PCDHGA9: variants seen among roughly 807,000 people sequenced by gnomAD.
PCDHGA9 encodes the protein protocadherin gamma subfamily A, 9.
PCDHGA9 carries 37 observed loss-of-function variants against 62.5 expected under a neutral mutation model. That is an observed-to-expected ratio of 0.59 (90% confidence interval 0.46 to 0.78). The LOEUF is 0.78. PCDHGA9 is among the 30% of genes least tolerant of loss of function. The pLI is 0.00. For missense variants in PCDHGA9, 1,138 were observed against 1,166.2 expected (o/e 0.98, Z 0.35); for synonymous variants, 459 against 484.6 (o/e 0.95, Z 0.69).
At position 141,493,841 on chromosome 5, in the gene PCDHGA9, T is replaced by C. The variant is rs774682943; in HGVS notation, c.2425-966T>C. On this transcript the variant is annotated intron_variant, in intron 1 of 3. Transcript: ENST00000573521. The surrounding 1 kb of genome is among the most constrained non-coding windows in gnomAD (Gnocchi z 4.3). ...CTCTGCTTCTGGGAGCAAGTATGAGTATTAATTACCAGCCCACCCCAGAAC... is the reference window on the plus strand; with the variant it reads ...CTCTGCTTCTGGGAGCAAGTATGAGCATTAATTACCAGCCCACCCCAGAAC... Among the ~76,000 whole-genome samples the C allele has an allele frequency of 3.3e-5, 5 of 152,140 alleles. No homozygotes were observed. In the East Asian group the frequency reaches 9.7e-4, roughly 29 times the overall value.
Position 141,404,832 on chromosome 5 carries a change from G to T in PCDHGA9, c.1880G>T (p.Arg627Leu). The T allele has an allele frequency of 6.2e-7, 1 of 1,613,864 alleles. No homozygotes were observed. The highest frequency in any genetic ancestry group is 8.5e-7 in the Non-Finnish European group (1 of 1,179,934). The change falls in exon 1 of 4, where the codon CGC becomes CTC. Residue 627 changes from arginine (R) to leucine (L), a missense_variant. Transcript: ENST00000573521. ...FSVGLHTGEV[R>L]TARALLDRDA... ...GTGGGGCTGCACACAGGTGAAGTGC[G>T]CACAGCTCGGGCCCTGCTAGATAGA...
intron 2 of PCDHGA9, among the ~76,000 whole-genome samples, chr5:141,504,118 G>A (rs948008198): frequency 6.6e-6 from 1 of 152,096 alleles, no homozygotes; most frequent in African/African-American, 2.4e-5. Flanking sequence ...GTGTGCCAGG[G>A]CTGTTTCCCG....
At chr5:141,405,410 T>C (rs1483035668) in intron 1 of PCDHGA9, 34 bp downstream of exon 1, 2 of 1,557,296 alleles carry the variant, frequency 1.3e-6, no homozygotes, top group Non-Finnish European at 1.8e-6. Context: ...TTCTTTTCTT[T>C]TTTTGTTTTT....
chr5:141,428,110 C>G (rs917739943), intron 1 of PCDHGA9: 11 of 1,607,538 alleles, frequency 6.8e-6, no homozygotes, highest in Middle Eastern at 3.4e-4. Context: ...GTGCTGCAGG[C>G]CATCGAGCCC....
At chr5:141,501,333 A>ACC (rs1554187333) in intron 2 of PCDHGA9, among the ~76,000 whole-genome samples, 192 of 140,118 alleles carry the variant, frequency 1.4e-3, no homozygotes, top group Admixed American at 5.6e-3. Flanking sequence ...ACACACACAC[A>ACC]CCCCAAACTC....
At chr5:141,427,440 G>A (rs747459662) in intron 1 of PCDHGA9, 1 of 477,484 alleles carries the variant, frequency 2.1e-6, no homozygotes, top group South Asian at 1.5e-5. Flanking sequence ...CCTCATAAAC[G>A]AAAGAGTTCC....
Position 141,403,324 on chromosome 5 carries a change from T to C in PCDHGA9, c.372T>C (p.Thr124=), listed in dbSNP as rs769971532. 5.6e-6 allele frequency: 9 copies of C among 1,613,974 alleles called. No homozygotes were observed. Among genetic ancestry groups the C allele is most frequent in the Non-Finnish European group, 6.8e-6 (8 of 1,179,904 alleles). The change falls in exon 1 of 4, where the codon ACT becomes ACC. Residue 124 remains threonine, a synonymous_variant. Transcript: ENST00000573521. The stretch of plus-strand genomic sequence containing the variant: ...TGTACGGAATAGAAATAGAAGTAAC[T>C]GATATTAACGACAGCGCCCCAAAGT... ...VKLYGIEIEV[T]DINDSAPKFQ...
At chr5:141,415,422 G>A (rs769839324) in intron 1 of PCDHGA9, 3 of 1,614,204 alleles carry the variant, frequency 1.9e-6, no homozygotes, top group East Asian at 2.2e-5. Context: ...GCGTGGACGG[G>A]GTTCGGGCTT....
chr5:141,426,614 G>T (rs1468159807), intron 1 of PCDHGA9: 25 of 385,508 alleles, frequency 6.5e-5, no homozygotes, highest in Non-Finnish European at 1.3e-4. Context: ...TTGTAGCAGA[G>T]AATCCTCTAA....
Position 141,486,070 on chromosome 5 carries a change from T to C in PCDHGA9, c.2425-8737T>C. ...ACCTCTTTAGCCTGCACCCCACTAC[T>C]GGAAAGCTTACTCTTTTGGGGCCCC... On this transcript the variant is annotated intron_variant, in intron 1 of 3. Coordinates refer to ENST00000573521, the MANE Select transcript of PCDHGA9 (RefSeq NM_018921.3). The surrounding 1 kb of genome is among the most constrained non-coding windows in gnomAD (Gnocchi z 5.0). 6.2e-7 allele frequency: 1 copy of C among 1,614,158 alleles called. No homozygotes were observed. The highest frequency in any genetic ancestry group is 8.5e-7 in the Non-Finnish European group (1 of 1,180,010).
chr5:141,463,438 CTTTTTTTTTTTT>C (rs71576115), intron 1 of PCDHGA9, among the ~76,000 whole-genome samples: 6 of 103,254 alleles, frequency 5.8e-5, no homozygotes, highest in Admixed American at 3.1e-4. Flanking sequence ...TTTCCTTCTC[CTTTTTTTTTTTT>C]TTTTTTTTTT....
rs1250096461 is a variant in PCDHGA9 at position 141,485,533 on chromosome 5, G to A, written c.2425-9274G>A. 6.2e-7 allele frequency: 1 copy of A among 1,614,084 alleles called. No homozygotes were observed. Among genetic ancestry groups the A allele is most frequent in the Non-Finnish European group, 8.5e-7 (1 of 1,180,034 alleles). On this transcript the variant is annotated intron_variant, in intron 1 of 3. Coordinates refer to ENST00000573521, the MANE Select transcript of PCDHGA9 (RefSeq NM_018921.3). This position sits in a 1 kb window ranked among gnomAD's most constrained non-coding sequence, Gnocchi z 5.7. ...GTCCTTTGGAAATGTACCGAGCAGA[G>A]GTAGAGATCGTAGATGTGAATGATC...
At chr5:141,426,037 G>A (rs2096911238) in intron 1 of PCDHGA9, among the ~76,000 whole-genome samples, 1 of 152,176 alleles carries the variant, frequency 6.6e-6, no homozygotes, top group South Asian at 2.1e-4. Flanking sequence ...TCAGAGCCCT[G>A]CTGTTGGCCA....
intron 1 of PCDHGA9, 175 bp downstream of exon 1, chr5:141,405,551 A>G: frequency 1.6e-6 from 1 of 623,672 alleles, no homozygotes; most frequent in Non-Finnish European, 2.8e-6. Context: ...TCCCAAGTAG[A>G]GTAGCTGGGA....
At chr5:141,418,568 G>A (rs769914679) in intron 1 of PCDHGA9, 62 of 1,613,902 alleles carry the variant, frequency 3.8e-5, no homozygotes, top group Non-Finnish European at 5.2e-5. Context: ...AGATGCCAAT[G>A]ACAACCCCCC....
intron 1 of PCDHGA9, among the ~76,000 whole-genome samples, chr5:141,452,072 G>A (rs550370876): frequency 1.3e-5 from 2 of 152,272 alleles, no homozygotes; most frequent in East Asian, 1.9e-4. Flanking sequence ...ACTTTTATTA[G>A]TTGGCATTAT....
Position 141,490,911 on chromosome 5 carries a change from G to C in PCDHGA9, c.2425-3896G>C. On this transcript the variant is annotated intron_variant, in intron 1 of 3. Coordinates refer to ENST00000573521, the MANE Select transcript of PCDHGA9 (RefSeq NM_018921.3). The surrounding 1 kb of genome is among the most constrained non-coding windows in gnomAD (Gnocchi z 5.4). ...CTCTGCATGTGTTTGTCCTAGACGA[G>C]AATGATAATGCCCCAGCTGTGCTGC... is the stretch of plus-strand genomic sequence containing the variant. The C allele has an allele frequency of 6.2e-7, 1 of 1,613,722 alleles. No homozygotes were observed. Among genetic ancestry groups the C allele is most frequent in the East Asian group, 2.2e-5 (1 of 44,870 alleles).
Position 141,486,657 on chromosome 5 carries a change from T to C in PCDHGA9, c.2425-8150T>C. Reference sequence around the variant, plus strand: ...AATGCGCTTATCTCCTACTCACTCCTGGAGCCCAGGAATCGAGATGTATCA... The same window carrying C: ...AATGCGCTTATCTCCTACTCACTCCCGGAGCCCAGGAATCGAGATGTATCA... On this transcript the variant is annotated intron_variant, in intron 1 of 3. Transcript: ENST00000573521. The surrounding 1 kb of genome is among the most constrained non-coding windows in gnomAD (Gnocchi z 5.0). The C allele has an allele frequency of 6.2e-7, 1 of 1,614,010 alleles. No individual in the cohort carries two copies. Among genetic ancestry groups the C allele is most frequent in the Non-Finnish European group, 8.5e-7 (1 of 1,180,030 alleles).
chr5:141,451,069 C>G (rs2098705799), intron 1 of PCDHGA9, among the ~76,000 whole-genome samples: 1 of 151,836 alleles, frequency 6.6e-6, no homozygotes, highest in Non-Finnish European at 1.5e-5. Flanking sequence ...ACCTTGTGAT[C>G]CACCCACCTT....
Sources: gnomAD v4.1 joint callset for allele counts (sites outside exome capture counted in the v4.1 genomes callset) on GRCh38, gnomAD v4.1.1 for gene constraint, Gnocchi (gnomAD v3.1) non-coding constraint, MANE v1.5 for transcripts, NCBI Gene and HGNC (gene_info 2026-07-23, HGNC 2026-07-21) for gene names.